Variants in MIS18A observed in about 807,000 individuals in gnomAD.
MIS18A encodes protein Mis18-alpha.
In MIS18A, 14 loss-of-function variants were observed where a neutral mutation model predicts 25.0. The ratio of observed to expected loss-of-function variants is 0.56; its 90% CI spans 0.37 to 0.88. The LOEUF is 0.88. Among genes scored for constraint, MIS18A ranks in the 40% least tolerant of loss-of-function variants. The pLI is 0.00. For missense variants in MIS18A, 292 were observed against 290.8 expected (o/e 1.00, Z -0.03); for synonymous variants, 134 against 118.6 (o/e 1.13, Z -0.84).
the MIS18A span, among the ~76,000 whole-genome samples, chr21:32,217,006 T>G: frequency 6.6e-6 from 1 of 152,076 alleles, no homozygotes; most frequent in East Asian, 1.9e-4. Flanking sequence ...TGGAGAGGGG[T>G]GAAGATCTGA....
At chr21:32,247,291 C>T in the MIS18A span, among the ~76,000 whole-genome samples, 1 of 152,160 alleles carries the variant, frequency 6.6e-6, no homozygotes, top group Non-Finnish European at 1.5e-5. Flanking sequence ...ACACTCATCC[C>T]GTGGCTCAGG....
chr21:32,257,827 A>T, the MIS18A span, among the ~76,000 whole-genome samples: 5 of 152,198 alleles, frequency 3.3e-5, no homozygotes, highest in Non-Finnish European at 7.3e-5. Context: ...GCCTCTGCAT[A>T]ATCACTTAAT....
At chr21:32,227,378 T>C in the MIS18A span, among the ~76,000 whole-genome samples, 1 of 151,926 alleles carries the variant, frequency 6.6e-6, no homozygotes. Context: ...TAGGGAATGT[T>C]ACTACTGACC....
the MIS18A span, among the ~76,000 whole-genome samples, chr21:32,188,260 C>T: frequency 3.3e-5 from 5 of 152,222 alleles, no homozygotes; most frequent in Admixed American, 2.6e-4. Flanking sequence ...TGGCAGAACA[C>T]ACAAGACACC....
chr21:32,277,183 A>T (rs1197385844), intron 1 of MIS18A, among the ~76,000 whole-genome samples: 1 of 152,196 alleles, frequency 6.6e-6, no homozygotes, highest in Non-Finnish European at 1.5e-5. Flanking sequence ...ATAAATCAAA[A>T]AATGTATAGT....
At chr21:32,232,127 G>A in the MIS18A span, among the ~76,000 whole-genome samples, 4 of 152,030 alleles carry the variant, frequency 2.6e-5, no homozygotes, top group South Asian at 2.1e-4. Flanking sequence ...GTACATGTAT[G>A]TATATATCTA....
the MIS18A span, among the ~76,000 whole-genome samples, chr21:32,179,359 T>C: frequency 6.6e-6 from 1 of 152,196 alleles, no homozygotes; most frequent in Non-Finnish European, 1.5e-5. Flanking sequence ...CCAGGTTTAG[T>C]GGAGGTGAAT....
the MIS18A span, among the ~76,000 whole-genome samples, chr21:32,177,534 T>G: frequency 2.0e-5 from 3 of 152,146 alleles, no homozygotes; most frequent in South Asian, 6.2e-4. Flanking sequence ...CACAACATAA[T>G]TGTATGTATA....
At chr21:32,185,993 C>T in the MIS18A span, among the ~76,000 whole-genome samples, 11 of 152,144 alleles carry the variant, frequency 7.2e-5, no homozygotes, top group African/African-American at 2.7e-4. Flanking sequence ...TATCATGCTT[C>T]CCCTCCACAG....
rs1244024289 is a variant in MIS18A, at chr21:32,268,962, C to T, written c.*75G>A. ...TTTCTTTTTTTTTTTGTAGAGACGA[C>T]GTCTCACTATGTTGCTTCATTTAAC... On this transcript the variant is annotated 3_prime_UTR_variant, in exon 5 of 5. Transcript: ENST00000290130. The T allele has an allele frequency of 3.6e-5, 35 of 985,046 alleles. No individual in the cohort carries two copies. Among genetic ancestry groups the T allele is most frequent in the South Asian group, 7.6e-5 (4 of 52,884 alleles). 61.0% of individuals were successfully genotyped at this position (985,046 alleles called of 1,614,324 possible). A position where few individuals can be genotyped will look rare whatever the true frequency, so the allele number is the denominator to read the frequency against.
the MIS18A span, among the ~76,000 whole-genome samples, chr21:32,205,197 C>T: frequency 1.3e-5 from 2 of 150,064 alleles, no homozygotes; most frequent in Non-Finnish European, 3.0e-5. Context: ...CTCCGCCTCC[C>T]GAGTTCACAC....
intron 1 of MIS18A, chr21:32,278,367 T>G: frequency 2.6e-6 from 1 of 379,570 alleles, no homozygotes. Context: ...GACCATTTGT[T>G]TCTCTTTTTT....
chr21:32,267,255 G>A (rs2031623265), downstream of MIS18A, among the ~76,000 whole-genome samples: 1 of 152,202 alleles, frequency 6.6e-6, no homozygotes, highest in Admixed American at 6.5e-5. Context: ...AGTATTTCCT[G>A]GATTGACGTT....
At chr21:32,183,433 C>A in the MIS18A span, among the ~76,000 whole-genome samples, 2 of 152,180 alleles carry the variant, frequency 1.3e-5, no homozygotes, top group African/African-American at 4.8e-5. Flanking sequence ...GGATTTTGCA[C>A]CTGTCTTTTC....
At chr21:32,247,572 T>C in the MIS18A span, among the ~76,000 whole-genome samples, 1 of 152,138 alleles carries the variant, frequency 6.6e-6, no homozygotes, top group African/African-American at 2.4e-5. Flanking sequence ...TCTCCTGAGG[T>C]AACCATATTC....
the MIS18A span, among the ~76,000 whole-genome samples, chr21:32,160,724 C>T: frequency 6.6e-6 from 1 of 151,824 alleles, no homozygotes; most frequent in African/African-American, 2.4e-5. Context: ...CTCCGCTTCC[C>T]GGGTTCAAGA....
chr21:32,236,217 A>T, the MIS18A span, among the ~76,000 whole-genome samples: 12 of 151,808 alleles, frequency 7.9e-5, no homozygotes, highest in Non-Finnish European at 1.6e-4. Context: ...TACTAAAAAA[A>T]AAAAAATACA....
the MIS18A span, among the ~76,000 whole-genome samples, chr21:32,191,604 A>G: frequency 4.0e-5 from 6 of 151,854 alleles, no homozygotes; most frequent in African/African-American, 1.5e-4. Flanking sequence ...AAACAAAAAC[A>G]AAAACAAAAA....
At chr21:32,169,357 C>T in the MIS18A span, among the ~76,000 whole-genome samples, 1 of 152,118 alleles carries the variant, frequency 6.6e-6, no homozygotes, top group African/African-American at 2.4e-5. Flanking sequence ...TGACCTGACT[C>T]AGAGCTCACT....
Sources: allele counts gnomAD v4.1 joint callset (sites outside exome capture counted in the v4.1 genomes callset), GRCh38; gene constraint gnomAD v4.1.1; transcripts MANE v1.5; gene names NCBI Gene and HGNC (gene_info 2026-07-23, HGNC 2026-07-21).